The following KIAA0232 variants were observed in gnomAD, a reference collection of about 807,000 sequenced individuals.
The protein encoded by KIAA0232 is KIAA0232, also known as uncharacterized protein KIAA0232.
In KIAA0232, 27 loss-of-function variants were observed where a neutral mutation model predicts 122.0. The observed-to-expected ratio is 0.22, with a 90% CI of 0.16 to 0.31. The LOEUF (loss-of-function observed/expected upper bound fraction) is 0.31, where lower values mean the gene tolerates loss of function less well. Among genes scored for constraint, KIAA0232 ranks in the 10% least tolerant of loss-of-function variants. The probability of loss-of-function intolerance (pLI) is 1.00; values close to 1 mark genes in which losing one functional copy is unlikely to be tolerated. For missense variants in KIAA0232, 1,551 were observed against 1,634.2 expected (o/e 0.95, Z 0.88); for synonymous variants, 613 against 587.6 (o/e 1.04, Z -0.63).
At chr4:6,853,633 C>G (rs1720412390) in intron 4 of KIAA0232, among the ~76,000 whole-genome samples, 1 of 152,148 alleles carries the variant, frequency 6.6e-6, no homozygotes, top group Non-Finnish European at 1.5e-5. Flanking sequence ...AATATCCAGT[C>G]TAAATGAACC....
intron 4 of KIAA0232, among the ~76,000 whole-genome samples, chr4:6,847,200 T>C (rs1409970601): frequency 6.6e-6 from 1 of 152,216 alleles, no homozygotes; most frequent in African/African-American, 2.4e-5. Context: ...CATGTGACCA[T>C]GCGTGTATGT....
At chr4:6,830,876 GGCTAGGGT>G (rs1718940031) in intron 3 of KIAA0232, among the ~76,000 whole-genome samples, 1 of 152,038 alleles carries the variant, frequency 6.6e-6, no homozygotes, top group East Asian at 1.9e-4. Flanking sequence ...AGACTTGGGT[GGCTAGGGT>G]ACAAGCACCT....
Position 6,855,918 on chromosome 4 carries a change from T to C in KIAA0232, c.370-1246T>C. The C allele has an allele frequency of 1.1e-6, 1 of 929,472 alleles. No individual in the cohort carries two copies. Among genetic ancestry groups the C allele is most frequent in the Non-Finnish European group, 1.3e-6 (1 of 778,950 alleles). 57.6% of individuals were successfully genotyped at this position (929,472 alleles called of 1,614,324 possible). A position where few individuals can be genotyped will look rare whatever the true frequency, so the allele number is the denominator to read the frequency against. On this transcript the variant is annotated intron_variant, in intron 4 of 9. Transcript: ENST00000307659. This position sits in a 1 kb window ranked among gnomAD's most constrained non-coding sequence, Gnocchi z 4.3. ...ATTATGGTAAGCAGGTGCTTTCTGGTGCAACTGTTTGTGGTTGAACAGTGT... is the reference window on the plus strand; with the variant it reads ...ATTATGGTAAGCAGGTGCTTTCTGGCGCAACTGTTTGTGGTTGAACAGTGT...
chr4:6,813,506 G>A (rs961481228), intron 2 of KIAA0232, among the ~76,000 whole-genome samples: 1 of 152,036 alleles, frequency 6.6e-6, no homozygotes, highest in Non-Finnish European at 1.5e-5. Flanking sequence ...GGGACTACAG[G>A]TGCCTGCCAC....
At chr4:6,828,195 ACATAGTGAGACTC>A (rs2109053591) in intron 3 of KIAA0232, among the ~76,000 whole-genome samples, 1 of 152,314 alleles carries the variant, frequency 6.6e-6, no homozygotes, top group Admixed American at 6.5e-5. Context: ...AGCCTGGGCA[ACATAGTGAGACTC>A]CATCTCTTAA....
Position 6,782,992 on chromosome 4 carries a change from A to G in KIAA0232, c.-354+151A>G, listed in dbSNP as rs547825965. Reference sequence around the variant, plus strand: ...CAGCCGAAGGCTTCGGGGTCAGCCCAAGGGAGACAGGGCCGCCGCCGTGGG... The same window carrying G: ...CAGCCGAAGGCTTCGGGGTCAGCCCGAGGGAGACAGGGCCGCCGCCGTGGG... On this transcript the variant is annotated intron_variant, in intron 1 of 9. Coordinates refer to ENST00000307659, the MANE Select transcript of KIAA0232 (RefSeq NM_014743.3). Among the ~76,000 whole-genome samples the G allele has an allele frequency of 4.1e-5, 6 of 146,344 alleles. No individual in the cohort carries two copies. In the South Asian group the frequency reaches 6.6e-4, roughly 16 times the overall value.
At chr4:6,837,927 G>A (rs2109111532) in intron 3 of KIAA0232, among the ~76,000 whole-genome samples, 1 of 152,036 alleles carries the variant, frequency 6.6e-6, no homozygotes, top group Non-Finnish European at 1.5e-5. Flanking sequence ...GGGAGGGGGA[G>A]GGAGAGGGAG....
At chr4:6,784,469 C>T (rs1172442814) in intron 1 of KIAA0232, among the ~76,000 whole-genome samples, 1 of 152,148 alleles carries the variant, frequency 6.6e-6, no homozygotes, top group Non-Finnish European at 1.5e-5. Flanking sequence ...TATCACTCTG[C>T]ATCCTCAAGG....
intron 9 of KIAA0232, among the ~76,000 whole-genome samples, chr4:6,877,842 T>G (rs1721837377): frequency 6.6e-6 from 1 of 152,180 alleles, no homozygotes. Context: ...ATCAGTACTT[T>G]GCATCCTTTA....
chr4:6,814,742 G>A (rs1451995247), intron 2 of KIAA0232, among the ~76,000 whole-genome samples: 2 of 152,094 alleles, frequency 1.3e-5, no homozygotes, highest in African/African-American at 4.8e-5. Context: ...GGGACTGTGT[G>A]CAAAAACCTA....
intron 3 of KIAA0232, among the ~76,000 whole-genome samples, chr4:6,833,754 A>G (rs1388468545): frequency 6.6e-6 from 1 of 152,260 alleles, no homozygotes; most frequent in Non-Finnish European, 1.5e-5. Context: ...GGTAGTAGGT[A>G]TGAAATAGCA....
At chr4:6,844,926 A>G (rs1719871559) in intron 4 of KIAA0232, among the ~76,000 whole-genome samples, 1 of 152,254 alleles carries the variant, frequency 6.6e-6, no homozygotes, top group Non-Finnish European at 1.5e-5. Context: ...AAGTGCTAAA[A>G]GTATAGCAGC....
Position 6,862,268 on chromosome 4 carries a change from C to G in KIAA0232, c.1886C>G (p.Ala629Gly), listed in dbSNP as rs1460828450. The part of the protein sequence containing the change: ...DSTVLNSHLL[A>G]GNQELFSDIN... Reference sequence around the variant, plus strand: ...ACAGTGCTCAATTCACACCTGCTTGCTGGCAATCAAGAGCTCTTTTCAGAT... The same window carrying G: ...ACAGTGCTCAATTCACACCTGCTTGGTGGCAATCAAGAGCTCTTTTCAGAT... The change falls in exon 7 of 10, where the codon GCT (alanine) becomes GGT (glycine). Residue 629 changes from alanine (A) to glycine (G), a missense_variant. By Grantham distance (60) the Ala-to-Gly change is moderately conservative. This residue lies in a region of KIAA0232 where 1,108 missense variants were observed against 1,154.8 expected (regional missense o/e 0.96). Coordinates refer to ENST00000307659, the MANE Select transcript of KIAA0232 (RefSeq NM_014743.3). 2 of 1,614,184 alleles carry G rather than the reference C, an allele frequency of 1.2e-6. No homozygotes were observed. The highest frequency in any genetic ancestry group is 1.7e-6 in the Non-Finnish European group (2 of 1,180,042).
At chr4:6,880,698 T>A (rs1722025346) in intron 9 of KIAA0232, 89 bp from the exon 10 acceptor site, 1 of 880,440 alleles carries the variant, frequency 1.1e-6, no homozygotes, top group African/African-American at 1.7e-5. Context: ...TGATGATTTA[T>A]TATTTCTTCT....
rs1053718208 is a variant in KIAA0232, at chr4:6,853,428, C to T, written c.370-3736C>T. Among the ~76,000 whole-genome samples, 3 of 152,108 alleles carry T rather than the reference C, an allele frequency of 2.0e-5. No individual in the cohort carries two copies. In the East Asian group the frequency reaches 5.8e-4, roughly 29 times the overall value. ...GGAAATGTGTCCATAATACTAGCAC[C>T]CTTTTCCAGATGTAGAAACTGAGGC... is the stretch of plus-strand genomic sequence containing the variant. On this transcript the variant is annotated intron_variant, in intron 4 of 9. Transcript: ENST00000307659.
chr4:6,866,272 A>T, intron 7 of KIAA0232: 1 of 970,030 alleles, frequency 1.0e-6, no homozygotes, highest in Non-Finnish European at 1.2e-6. Context: ...TAGTATGTTG[A>T]TGTATTTATG....
In KIAA0232 at chr4:6,818,669, T is replaced by C. The variant is rs537559109; in HGVS notation, c.-269-5516T>C. On this transcript the variant is annotated intron_variant, in intron 2 of 9. Coordinates refer to ENST00000307659, the MANE Select transcript of KIAA0232 (RefSeq NM_014743.3). ...CCAAAGCAGTCTACATATTCAACAC[T>C]GTTCCCATCAAACTACTAATGTCAT... is the stretch of plus-strand genomic sequence containing the variant. Among the ~76,000 whole-genome samples, 117 of 151,850 alleles carry C rather than the reference T, an allele frequency of 7.7e-4. 2 individuals are homozygous for C. In the South Asian group the frequency reaches 0.011, roughly 14 times the overall value.
intron 2 of KIAA0232, among the ~76,000 whole-genome samples, chr4:6,813,463 C>T (rs997131512): frequency 6.6e-6 from 1 of 151,888 alleles, no homozygotes; most frequent in Non-Finnish European, 1.5e-5. Flanking sequence ...CCCAGGTTCA[C>T]GCCATTCTAC....
At chr4:6,879,825 C>T (rs934370536) in intron 9 of KIAA0232, among the ~76,000 whole-genome samples, 1 of 10,886 alleles carries the variant, frequency 9.2e-5, no homozygotes, top group Non-Finnish European at 2.8e-4. Context: ...ATCTGCAGTG[C>T]CCCCCCTCAC....
Sources: allele counts gnomAD v4.1 joint callset (sites outside exome capture counted in the v4.1 genomes callset), GRCh38; gene constraint gnomAD v4.1.1; regional missense constraint gnomAD v4.1.1; non-coding constraint Gnocchi (gnomAD v3.1); transcripts MANE v1.5; gene names NCBI Gene and HGNC (gene_info 2026-07-23, HGNC 2026-07-21).